Variants in ZC3H12B observed in about 807,000 individuals in gnomAD.
ZC3H12B encodes zinc finger CCCH-type containing 12B.
In ZC3H12B, 7 loss-of-function variants were observed where a neutral mutation model predicts 43.9. The observed-to-expected ratio is 0.16, with a 90% confidence interval of 0.09 to 0.30. ZC3H12B has a LOEUF of 0.30. Ranked by LOEUF, ZC3H12B falls within the 10% of genes least tolerant of loss-of-function variation. The pLI is 1.00. For synonymous variants in ZC3H12B, 222 were observed against 241.7 expected (o/e 0.92, Z 0.76); for missense variants, 475 against 670.2 (o/e 0.71, Z 3.22).
the ZC3H12B span, among the ~76,000 whole-genome samples, chrX:65,072,752 A>G: frequency 8.9e-6 from 1 of 111,831 alleles, no homozygotes; most frequent in Non-Finnish European, 1.9e-5. Flanking sequence ...GGCAGCAGCA[A>G]CATGGTGGGG....
Position 65,497,018 on chromosome X carries a change from A to G in ZC3H12B, c.609-114A>G, listed in dbSNP as rs1235146205. The G allele has an allele frequency of 5.4e-6, 3 of 556,940 alleles. No individual in the cohort carries two copies. The African/African-American group carries it at 7.5e-5, about 14-fold the overall frequency. The allele number at this position is 556,940 out of a possible 1,213,427, so 45.9% of individuals were successfully genotyped here. A position where few individuals can be genotyped will look rare whatever the true frequency, so the allele number is the denominator to read the frequency against. On this transcript the variant is annotated intron_variant, in intron 1 of 4. Transcript: ENST00000338957. Reference sequence around the variant, plus strand: ...GGAAGAAAGAAAGAGAGAAAGAAAGAAAAGAATGTAAATGTCTATTATTAA... The same window carrying G: ...GGAAGAAAGAAAGAGAGAAAGAAAGGAAAGAATGTAAATGTCTATTATTAA...
At chrX:65,408,012 C>T in intron 3 of ZC3H12B, 1 of 1,072,979 alleles carries the variant, frequency 9.3e-7, no homozygotes, top group Admixed American at 3.3e-5. Flanking sequence ...TTTTCCTCGG[C>T]GGGATTAAAG....
intron 3 of ZC3H12B, among the ~76,000 whole-genome samples, chrX:65,408,958 G>A (rs987177002): frequency 9.0e-6 from 1 of 111,575 alleles, no homozygotes; most frequent in African/African-American, 3.3e-5. Context: ...TGCTTAATTG[G>A]GTAATTTTCA....
the ZC3H12B span, among the ~76,000 whole-genome samples, chrX:65,163,161 G>A: frequency 9.0e-6 from 1 of 110,948 alleles, no homozygotes; most frequent in Non-Finnish European, 1.9e-5. Context: ...GGCGTGTGAG[G>A]TGTCAGTCTG....
At chrX:65,123,563 T>G in the ZC3H12B span, among the ~76,000 whole-genome samples, 1 of 110,555 alleles carries the variant, frequency 9.0e-6, no homozygotes, top group Non-Finnish European at 1.9e-5. Context: ...TGTAGAATGC[T>G]TTTGGCAGTA....
At chrX:65,081,035 A>C in the ZC3H12B span, among the ~76,000 whole-genome samples, 1 of 110,344 alleles carries the variant, frequency 9.1e-6, no homozygotes, top group Non-Finnish European at 1.9e-5. Flanking sequence ...CTTTTTTTTA[A>C]TGCAAAGACC....
chrX:65,405,394 C>T (rs760466305), intron 3 of ZC3H12B, among the ~76,000 whole-genome samples: 149 of 112,141 alleles, frequency 1.3e-3, no homozygotes, highest in African/African-American at 4.7e-3. Context: ...CCGAGGCAGG[C>T]GGATCAATTC....
chrX:65,435,103 C>T (rs1239575906), intron 3 of ZC3H12B, among the ~76,000 whole-genome samples: 1 of 111,547 alleles, frequency 9.0e-6, no homozygotes, highest in African/African-American at 3.3e-5. Flanking sequence ...CAACAATTTG[C>T]ATGATGAGGA....
At chrX:65,393,838 T>G (rs766092897) in intron 2 of ZC3H12B, among the ~76,000 whole-genome samples, 2 of 112,328 alleles carry the variant, frequency 1.8e-5, no homozygotes, top group South Asian at 7.4e-4. Context: ...CATTCCGATT[T>G]CTCTGCATCC....
the ZC3H12B span, among the ~76,000 whole-genome samples, chrX:65,075,007 C>T: frequency 9.0e-6 from 1 of 111,593 alleles, no homozygotes; most frequent in Non-Finnish European, 1.9e-5. Flanking sequence ...TCTTTGCTTG[C>T]TTTGTACCTT....
the ZC3H12B span, among the ~76,000 whole-genome samples, chrX:65,248,043 GA>G: frequency 0.1 from 10,263 of 100,605 alleles, 1,261 homozygotes; most frequent in African/African-American, 0.47. Flanking sequence ...GATTAGCCAC[GA>G]AAAAAATTTT....
chrX:65,198,402 T>C, the ZC3H12B span, among the ~76,000 whole-genome samples: 2 of 112,147 alleles, frequency 1.8e-5, no homozygotes, highest in Non-Finnish European at 3.8e-5. Flanking sequence ...AGAATTCCCT[T>C]TAATATTTCT....
intron 3 of ZC3H12B, among the ~76,000 whole-genome samples, chrX:65,419,634 A>G (rs1487119282): frequency 9.0e-6 from 1 of 111,405 alleles, no homozygotes; most frequent in Non-Finnish European, 1.9e-5. Context: ...CTCCAGCCCC[A>G]GGCCCACCAC....
the ZC3H12B span, among the ~76,000 whole-genome samples, chrX:65,060,866 A>G: frequency 8.9e-6 from 1 of 111,924 alleles, no homozygotes; most frequent in East Asian, 2.8e-4. Flanking sequence ...AATGTTTGGT[A>G]GAAATCAACA....
the ZC3H12B span, among the ~76,000 whole-genome samples, chrX:65,211,867 AATATATAATATATGTT>A: frequency 1.3e-5 from 1 of 78,248 alleles, no homozygotes; most frequent in Non-Finnish European, 2.2e-5. Context: ...TATACTATAT[AATATATAATATATGTT>A]ATGTATACTA....
chrX:65,105,563 C>T, the ZC3H12B span, among the ~76,000 whole-genome samples: 3 of 111,184 alleles, frequency 2.7e-5, no homozygotes, highest in South Asian at 3.8e-4. Context: ...CTGGAAAGGG[C>T]GTGGTCATGG....
At chrX:65,307,434 C>G in the ZC3H12B span, among the ~76,000 whole-genome samples, 1 of 111,492 alleles carries the variant, frequency 9.0e-6, no homozygotes, top group African/African-American at 3.3e-5. Context: ...ACGTTATGTA[C>G]AGATAAATGA....
At chrX:65,411,702 G>A (rs2066905274) in intron 3 of ZC3H12B, among the ~76,000 whole-genome samples, 1 of 109,192 alleles carries the variant, frequency 9.2e-6, no homozygotes, top group South Asian at 3.9e-4. Context: ...CTCCAGCCTG[G>A]GCGACAGAGT....
At chrX:65,389,463 C>T (rs753842510) in intron 2 of ZC3H12B, among the ~76,000 whole-genome samples, 1 of 112,476 alleles carries the variant, frequency 8.9e-6, no homozygotes, top group Non-Finnish European at 1.9e-5. Context: ...TCCTGGTGTA[C>T]CATTTGCTAA....
Sources: gnomAD v4.1 joint callset for allele counts (sites outside exome capture counted in the v4.1 genomes callset) on GRCh38, gnomAD v4.1.1 for gene constraint, MANE v1.5 for transcripts, NCBI Gene and HGNC (gene_info 2026-07-23, HGNC 2026-07-21) for gene names.